SUGCT: variants seen among roughly 807,000 people sequenced by gnomAD.
SUGCT encodes succinyl-CoA:glutarate CoA-transferase.
Under a neutral mutation model 55.0 loss-of-function variants are expected in SUGCT, and 41 were observed. That is an observed-to-expected ratio of 0.74 (90% confidence interval 0.58 to 0.97). The LOEUF (loss-of-function observed/expected upper bound fraction) is 0.97. Ranked by LOEUF, SUGCT falls within the 50% of genes least tolerant of loss-of-function variation. The pLI is 0.00. For synonymous variants in SUGCT, 187 were observed against 200.4 expected, an observed-to-expected ratio of 0.93 and a Z score of 0.56; for missense variants, 568 against 547.8, an observed-to-expected ratio of 1.04 and a Z score of -0.37.
chr7:40,640,554 T>A (rs1800224905), intron 12 of SUGCT, among the ~76,000 whole-genome samples: 1 of 152,174 alleles, frequency 6.6e-6, no homozygotes, highest in African/African-American at 2.4e-5. Flanking sequence ...TAGCAAATAT[T>A]TCTTATTATA....
At chr7:40,903,408 G>C in the SUGCT span, among the ~76,000 whole-genome samples, 2 of 152,108 alleles carry the variant, frequency 1.3e-5, no homozygotes, top group Non-Finnish European at 2.9e-5. Context: ...AGAGGGCCAG[G>C]GGAGAAGAAG....
At chr7:40,618,333 G>C (rs935726622) in intron 12 of SUGCT, among the ~76,000 whole-genome samples, 3 of 152,106 alleles carry the variant, frequency 2.0e-5, no homozygotes, top group African/African-American at 7.2e-5. Flanking sequence ...ACAGTTGACT[G>C]TCTCACAGTC....
At chr7:40,279,729 C>G (rs976817013) in intron 8 of SUGCT, among the ~76,000 whole-genome samples, 2 of 151,984 alleles carry the variant, frequency 1.3e-5, no homozygotes, top group African/African-American at 4.8e-5. Flanking sequence ...TAAGATAACA[C>G]TTATAAATTC....
chr7:40,399,132 T>C (rs1785923184), intron 9 of SUGCT, among the ~76,000 whole-genome samples: 1 of 152,134 alleles, frequency 6.6e-6, no homozygotes, highest in Non-Finnish European at 1.5e-5. Context: ...GATGCATCAG[T>C]CAGGAAATTT....
At chr7:40,673,579 T>C (rs1802047521) in intron 12 of SUGCT, among the ~76,000 whole-genome samples, 1 of 152,226 alleles carries the variant, frequency 6.6e-6, no homozygotes, top group Non-Finnish European at 1.5e-5. Flanking sequence ...TGAGGAGTTT[T>C]GTGGTTCTAT....
At chr7:40,509,871 C>A (rs1358324952) in intron 12 of SUGCT, among the ~76,000 whole-genome samples, 1 of 152,156 alleles carries the variant, frequency 6.6e-6, no homozygotes, top group African/African-American at 2.4e-5. Flanking sequence ...GAGCTGTGTT[C>A]AGTGGGAGAG....
chr7:40,358,540 C>A (rs10280188), intron 9 of SUGCT, among the ~76,000 whole-genome samples: 16 of 151,848 alleles, frequency 1.1e-4, no homozygotes, highest in Admixed American at 8.5e-4. Context: ...TGGTGAAACC[C>A]TGTCTCTACT....
intron 11 of SUGCT, among the ~76,000 whole-genome samples, chr7:40,481,551 A>G (rs946368903): frequency 2.0e-5 from 3 of 152,036 alleles, no homozygotes; most frequent in African/African-American, 7.2e-5. Context: ...CTTAAGGTAA[A>G]TACAAAGCCG....
At chr7:40,285,406 A>C (rs1020268920) in intron 8 of SUGCT, among the ~76,000 whole-genome samples, 1 of 150,176 alleles carries the variant, frequency 6.7e-6, no homozygotes, top group African/African-American at 2.5e-5. Flanking sequence ...AAGTTAATTA[A>C]TTTCACCTTT....
chr7:40,738,494 A>G (rs897518038), intron 12 of SUGCT, among the ~76,000 whole-genome samples: 1 of 152,224 alleles, frequency 6.6e-6, no homozygotes, highest in Non-Finnish European at 1.5e-5. Context: ...TTGCATATAT[A>G]TAGGTTAAAA....
chr7:40,606,513 T>C (rs1798545028), intron 12 of SUGCT, among the ~76,000 whole-genome samples: 1 of 152,170 alleles, frequency 6.6e-6, no homozygotes, highest in Non-Finnish European at 1.5e-5. Flanking sequence ...TAGAGGCAAA[T>C]GGAGCCTTTC....
chr7:40,261,078 G>T (rs1007721342), intron 7 of SUGCT, among the ~76,000 whole-genome samples: 2 of 152,234 alleles, frequency 1.3e-5, no homozygotes, highest in South Asian at 2.1e-4. Flanking sequence ...TGGCCAAAAT[G>T]ATTTCAGGGA....
At chr7:40,659,403 G>A (rs1003318051) in intron 12 of SUGCT, among the ~76,000 whole-genome samples, 3 of 152,062 alleles carry the variant, frequency 2.0e-5, no homozygotes, top group Non-Finnish European at 4.4e-5. Flanking sequence ...CTCTCCATGC[G>A]TGCCTATTAG....
chr7:40,871,049 C>G, the SUGCT span, among the ~76,000 whole-genome samples: 1 of 152,070 alleles, frequency 6.6e-6, no homozygotes, highest in African/African-American at 2.4e-5. Context: ...TCCAAAAAGC[C>G]CTTGTTCCTT....
intron 13 of SUGCT, among the ~76,000 whole-genome samples, chr7:40,832,895 C>T (rs1310768105): frequency 6.6e-6 from 1 of 151,970 alleles, no homozygotes; most frequent in African/African-American, 2.4e-5. Flanking sequence ...AGGATGGTCT[C>T]GATCTCCTGA....
At chr7:40,553,038 G>T (rs1795379632) in intron 12 of SUGCT, among the ~76,000 whole-genome samples, 1 of 152,220 alleles carries the variant, frequency 6.6e-6, no homozygotes, top group Middle Eastern at 3.4e-3. Flanking sequence ...TTTACTTGCA[G>T]AATTAAAATA....
intron 6 of SUGCT, among the ~76,000 whole-genome samples, chr7:40,221,271 G>A (rs145645520): frequency 0.064 from 9,711 of 151,190 alleles, 974 homozygotes; most frequent in African/African-American, 0.22. Context: ...AAAATTAGCC[G>A]GGCATGGTGG....
At chr7:41,022,845 C>T in the SUGCT span, among the ~76,000 whole-genome samples, 1 of 152,100 alleles carries the variant, frequency 6.6e-6, no homozygotes, top group Non-Finnish European at 1.5e-5. Context: ...AGAGAAGACA[C>T]AAATTAGTTA....
chr7:40,496,608 A>G (rs947729807), intron 12 of SUGCT, among the ~76,000 whole-genome samples: 32 of 152,178 alleles, frequency 2.1e-4, no homozygotes, highest in Admixed American at 2.1e-3. Context: ...TTTCTTCATC[A>G]GCCACTACAT....
Sources: allele counts gnomAD v4.1 joint callset (sites outside exome capture counted in the v4.1 genomes callset), GRCh38; gene constraint gnomAD v4.1.1; transcripts MANE v1.5; gene names NCBI Gene and HGNC (gene_info 2026-07-23, HGNC 2026-07-21).